The following COL16A1 variants were observed in gnomAD, a reference collection of about 807,000 sequenced individuals.
COL16A1 encodes the protein collagen alpha-1(XVI) chain.
Under a neutral mutation model 266.3 loss-of-function variants are expected in COL16A1, and 189 were observed. The observed-to-expected ratio is 0.71, with a 90% CI of 0.63 to 0.80. The LOEUF is 0.80. Ranked by LOEUF, COL16A1 falls within the 30% of genes least tolerant of loss-of-function variation. The pLI is 0.00. For synonymous variants in COL16A1, 740 were observed against 782.3 expected (o/e 0.95, Z 0.90); for missense variants, 1,928 against 2,122.4 (o/e 0.91, Z 1.80).
At chr1:31,691,256 T>C (rs1381264948) in intron 19 of COL16A1, 30 bp from the exon 20 acceptor site, 1 of 1,612,858 alleles carries the variant, frequency 6.2e-7, no homozygotes. Flanking sequence ...CACGTGGAAG[T>C]TTCCAGGGAC....
chr1:31,702,349 GC>G, intron 1 of COL16A1, 122 bp from the exon 2 acceptor site: 1 of 969,122 alleles, frequency 1.0e-6, no homozygotes, highest in Non-Finnish European at 1.6e-6. Flanking sequence ...AGGAGGTCTG[GC>G]CAGGCATCAG....
intron 37 of COL16A1, 67 bp from the exon 38 acceptor site, chr1:31,681,134 G>C: frequency 6.5e-7 from 1 of 1,543,864 alleles, no homozygotes; most frequent in Non-Finnish European, 8.7e-7. Context: ...GCCTGCTGCA[G>C]AAAAGGGGTG....
In COL16A1 at chr1:31,656,567, C is replaced by A; in HGVS notation, c.4057-123G>T. 1.4e-6 allele frequency: 2 copies of A among 1,435,370 alleles called. No individual in the cohort carries two copies. Among genetic ancestry groups the A allele is most frequent in the South Asian group, 1.4e-5 (1 of 72,086 alleles). The allele number at this position is 1,435,370 out of a possible 1,614,324, so 88.9% of individuals were successfully genotyped here. ...GCCCCCAGGTGTGTCCAGCCCAGCTCTGTGTGAGAAAGGAGCGCAGCCTCC... is the reference window on the plus strand; with the variant it reads ...GCCCCCAGGTGTGTCCAGCCCAGCTATGTGTGAGAAAGGAGCGCAGCCTCC... On this transcript the variant is annotated intron_variant, in intron 65 of 70. Transcript: ENST00000373672. The surrounding 1 kb of genome is among the most constrained non-coding windows in gnomAD (Gnocchi z 4.2).
Position 31,683,019 on chromosome 1 carries a change from AC to A in COL16A1, c.2470-18del. On this transcript the variant is annotated intron_variant, in intron 36 of 70. Coordinates refer to ENST00000373672, the MANE Select transcript of COL16A1 (RefSeq NM_001856.4). ...TGGAGATCCCTGTGTAAGAGAAGGT[AC>A]AAAGGTCTCAGGGGCAGAATTGGAA... 7 of 1,613,988 alleles carry A rather than the reference AC, an allele frequency of 4.3e-6. No individual in the cohort carries two copies. The highest frequency in any genetic ancestry group is 5.9e-6 in the Non-Finnish European group (7 of 1,179,970).
chr1:31,682,694 T>A (rs937865032), intron 37 of COL16A1, among the ~76,000 whole-genome samples: 1 of 152,230 alleles, frequency 6.6e-6, no homozygotes, highest in East Asian at 1.9e-4. Flanking sequence ...TTTCTGTGTT[T>A]AGAGCTTAGC....
Position 31,698,245 on chromosome 1 carries a change from C to T in COL16A1, c.391-73G>A. On this transcript the variant is annotated intron_variant, in intron 5 of 70. Coordinates refer to ENST00000373672, the MANE Select transcript of COL16A1 (RefSeq NM_001856.4). This position sits in a 1 kb window ranked among gnomAD's most constrained non-coding sequence, Gnocchi z 4.1. ...GTCACACCATGGGCACGTTCAGGGA[C>T]CTTGAACTCATTTCACAGGAGGGGA... The T allele has an allele frequency of 1.3e-6, 2 of 1,579,080 alleles. No homozygotes were observed. The highest frequency in any genetic ancestry group is 1.7e-6 in the Non-Finnish European group (2 of 1,163,282).
chr1:31,661,136 C>A lies in COL16A1; in HGVS notation c.3772-17G>T. ...ACAGTCACCCTAGAAGAGAGAGGAG[C>A]AGCTGGAGCTTACCAGACCTTCACT... On this transcript the variant is annotated splice_polypyrimidine_tract_variant and intron_variant, in intron 60 of 70. Coordinates refer to ENST00000373672, the MANE Select transcript of COL16A1 (RefSeq NM_001856.4). 1 of 1,559,304 alleles carries A rather than the reference C, an allele frequency of 6.4e-7. No individual in the cohort carries two copies.
intron 37 of COL16A1, 79 bp from the exon 38 acceptor site, chr1:31,681,146 A>AG: frequency 6.6e-7 from 1 of 1,518,588 alleles, no homozygotes; most frequent in Non-Finnish European, 8.8e-7. Context: ...AAAGGGGTGT[A>AG]GGACAAACAG....
Position 31,690,391 on chromosome 1 carries a change from C to T in COL16A1, c.1485G>A (p.Gly495=). The change falls in exon 22 of 71, where the codon GGG becomes GGA. Residue 495 remains glycine, a splice_region_variant and synonymous_variant. Transcript: ENST00000373672. ...CCTTCTCTCCCTTCACACCTGGCTT[C>T]CCCTGTTAGAAAAGAGGCAATGGGC... ...PGKEGPGGKP[G]KPGVKGEKGD... is the part of the protein sequence containing the mutation. 1.2e-6 allele frequency: 2 copies of T among 1,614,124 alleles called. No homozygotes were observed. Among genetic ancestry groups the T allele is most frequent in the Non-Finnish European group, 1.7e-6 (2 of 1,180,026 alleles).
chr1:31,661,499 G>T (rs1641659761), intron 59 of COL16A1, 41 bp from the exon 60 acceptor site: 1 of 1,613,952 alleles, frequency 6.2e-7, no homozygotes, highest in Non-Finnish European at 8.5e-7. Context: ...CCTCATGTCA[G>T]CTGGGGGCCT....
intron 66 of COL16A1, 86 bp from the exon 67 acceptor site, chr1:31,655,588 C>T (rs1641066390): frequency 1.1e-5 from 18 of 1,571,306 alleles, no homozygotes; most frequent in Non-Finnish European, 1.4e-5. Context: ...CCCACCAGGC[C>T]CCCAGCGTCT....
At chr1:31,665,786 C>A in intron 54 of COL16A1, 96 bp downstream of exon 54, 3 of 1,606,672 alleles carry the variant, frequency 1.9e-6, no homozygotes, top group Non-Finnish European at 2.6e-6. Flanking sequence ...AGGTCACAAC[C>A]CAAGGACAGG....
In COL16A1 at chr1:31,697,620, CGGCAGTGTGAAAGCACT is replaced by C. The variant is rs1644555400; in HGVS notation, c.657+269_657+285del. 6.6e-6 allele frequency among the ~76,000 whole-genome samples: 1 copy of C among 152,048 alleles called. No individual in the cohort carries two copies. Among genetic ancestry groups the C allele is most frequent in the Non-Finnish European group, 1.5e-5 (1 of 68,006 alleles). The stretch of plus-strand genomic sequence containing the variant: ...GGAGGTAACAGCGTAGGCAAAGGCA[CGGCAGTGTGAAAGCACT>C]GGGTGCGCTGGATGGCTAGGATGGA... On this transcript the variant is annotated intron_variant, in intron 6 of 70. Coordinates refer to ENST00000373672, the MANE Select transcript of COL16A1 (RefSeq NM_001856.4). This position sits in a 1 kb window ranked among gnomAD's most constrained non-coding sequence, Gnocchi z 4.2.
chr1:31,680,670 G>A (rs1251356874), intron 39 of COL16A1, among the ~76,000 whole-genome samples: 1 of 152,186 alleles, frequency 6.6e-6, no homozygotes, highest in Non-Finnish European at 1.5e-5. Flanking sequence ...GCAACCAGGT[G>A]AAGCTGGGGA....
intron 28 of COL16A1, 34 bp downstream of exon 28, chr1:31,686,057 C>A (rs1643955952): frequency 6.2e-7 from 1 of 1,612,314 alleles, no homozygotes; most frequent in Admixed American, 1.7e-5. Context: ...GAAGCTCACC[C>A]AGGCTGCAGC....
At chr1:31,675,621 T>C (rs1055876665) in intron 42 of COL16A1, among the ~76,000 whole-genome samples, 6 of 152,090 alleles carry the variant, frequency 3.9e-5, no homozygotes, top group African/African-American at 1.4e-4. Context: ...TGCTAAGTCG[T>C]TTTTCTATAT....
At chr1:31,678,282 G>C (rs1312280464) in intron 42 of COL16A1, among the ~76,000 whole-genome samples, 4 of 152,212 alleles carry the variant, frequency 2.6e-5, no homozygotes, top group African/African-American at 9.7e-5. Context: ...ATGCTGCCCT[G>C]CTTCTTCAGG....
intron 33 of COL16A1, 60 bp from the exon 34 acceptor site, chr1:31,683,808 C>G (rs997124823): frequency 3.1e-6 from 5 of 1,612,738 alleles, no homozygotes; most frequent in Non-Finnish European, 4.2e-6. Context: ...TTCCCCTTCT[C>G]CCCAGCCCCT....
chr1:31,692,489 G>A lies in COL16A1; in HGVS notation c.1179C>T (p.Gly393=), dbSNP rs899289653. 1 of 1,613,524 alleles carries A rather than the reference G, an allele frequency of 6.2e-7. No homozygotes were observed. Among genetic ancestry groups the A allele is most frequent in the Non-Finnish European group, 8.5e-7 (1 of 1,179,694 alleles). ...GGCTTGTTACCTTCTCGCCTGTTGAGCCTGGGAGTCCTGAGGGTCCCTGAG... is the reference window on the plus strand; with the variant it reads ...GGCTTGTTACCTTCTCGCCTGTTGAACCTGGGAGTCCTGAGGGTCCCTGAG... ...SGALGPSGLP[G]STGEKGQKGE... Residue 393 remains glycine (G), a synonymous_variant, in exon 16 of 71, where the codon GGC becomes GGT. Transcript: ENST00000373672.
Sources: gnomAD v4.1 joint callset for allele counts (sites outside exome capture counted in the v4.1 genomes callset) on GRCh38, gnomAD v4.1.1 for gene constraint, Gnocchi (gnomAD v3.1) non-coding constraint, MANE v1.5 for transcripts, NCBI Gene and HGNC (gene_info 2026-07-23, HGNC 2026-07-21) for gene names.